DAB1: variants seen among roughly 807,000 people sequenced by gnomAD.
The protein encoded by DAB1 is DAB adaptor protein 1.
A neutral mutation model predicts 64.6 loss-of-function variants in DAB1; 15 were observed. The observed-to-expected ratio is 0.23, with a 90% CI of 0.16 to 0.36. The LOEUF is 0.36. Ranked by LOEUF, DAB1 falls within the 10% of genes least tolerant of loss-of-function variation. The pLI is 1.00. For missense variants in DAB1, 596 were observed against 706.7 expected, an observed-to-expected ratio of 0.84 and a Z score of 1.78; for synonymous variants, 235 against 251.9, an observed-to-expected ratio of 0.93 and a Z score of 0.64.
chr1:58,316,461 G>A (rs1362171118), intron 4 of DAB1, among the ~76,000 whole-genome samples: 1 of 152,150 alleles, frequency 6.6e-6, no homozygotes, highest in Non-Finnish European at 1.5e-5. Context: ...AGCCAGGCTG[G>A]GTGCTGGGGA....
intron 1 of DAB1, among the ~76,000 whole-genome samples, chr1:57,420,517 G>T (rs1040455836): frequency 2.6e-5 from 4 of 152,184 alleles, no homozygotes; most frequent in Non-Finnish European, 5.9e-5. Context: ...CTCCATAAAG[G>T]TTAATTATTC....
chr1:57,170,476 G>C (rs969166927), intron 2 of DAB1, among the ~76,000 whole-genome samples: 13 of 152,162 alleles, frequency 8.5e-5, no homozygotes, highest in African/African-American at 2.7e-4. Flanking sequence ...AGGCACACAA[G>C]GGCAAGGCAT....
intron 5 of DAB1, among the ~76,000 whole-genome samples, chr1:57,963,693 A>C (rs1645582772): frequency 6.6e-6 from 1 of 152,118 alleles, no homozygotes; most frequent in South Asian, 2.1e-4. Context: ...GCTGCTGCCC[A>C]CTTCCCCTTT....
At chr1:57,586,090 A>T (rs959710952) in intron 7 of DAB1, among the ~76,000 whole-genome samples, 3 of 152,070 alleles carry the variant, frequency 2.0e-5, no homozygotes, top group Non-Finnish European at 4.4e-5. Flanking sequence ...AGGCCCTCAC[A>T]TTTGGGAGTT....
exon 3 of DAB1, chr1:58,506,112 GTAGA>G: frequency 1.1e-6 from 1 of 872,434 alleles, no homozygotes; most frequent in Non-Finnish European, 2.0e-6. Context: ...AGAAGGGTGT[GTAGA>G]TAACCATTCT....
intron 1 of DAB1, among the ~76,000 whole-genome samples, chr1:57,388,119 A>G (rs1209449313): frequency 6.6e-6 from 1 of 151,976 alleles, no homozygotes; most frequent in African/African-American, 2.4e-5. Context: ...TCTTGCATGC[A>G]TTTTCCTTTA....
chr1:57,412,073 A>T (rs1034066378), intron 1 of DAB1, among the ~76,000 whole-genome samples: 11 of 152,096 alleles, frequency 7.2e-5, no homozygotes, highest in Non-Finnish European at 1.5e-4. Context: ...TATACTTATT[A>T]TGATGATTTG....
At chr1:57,089,566 A>T (rs1201120287) in intron 4 of DAB1, among the ~76,000 whole-genome samples, 1 of 151,326 alleles carries the variant, frequency 6.6e-6, no homozygotes, top group Non-Finnish European at 1.5e-5. Flanking sequence ...TGAGAGAGTG[A>T]GGTGGGGGTG....
chr1:58,181,574 G>A (rs184262926), intron 4 of DAB1, among the ~76,000 whole-genome samples: 1 of 151,808 alleles, frequency 6.6e-6, no homozygotes, highest in Non-Finnish European at 1.5e-5. Flanking sequence ...TTAACTCCTT[G>A]TTGGATTTAT....
At chr1:58,522,082 C>CA (rs1367843032) in intron 2 of DAB1, among the ~76,000 whole-genome samples, 5 of 152,046 alleles carry the variant, frequency 3.3e-5, no homozygotes, top group African/African-American at 1.2e-4. Context: ...CCCAAAAATG[C>CA]AACTTAACTT....
At chr1:57,865,398 G>T (rs1328461756) in intron 1 of DAB1, among the ~76,000 whole-genome samples, 1 of 152,046 alleles carries the variant, frequency 6.6e-6, no homozygotes, top group South Asian at 2.1e-4. Flanking sequence ...TCCCTCTCTT[G>T]CTTAAGGTCC....
Position 57,314,973 on chromosome 1 carries a change from T to C in DAB1, c.-136-23807A>G, listed in dbSNP as rs548476758. ...ATTAACAACTTTGAAAAGCCCTTTG[T>C]CAAGGGCACTTACTTTAAATAAGAC... On this transcript the variant is annotated intron_variant, in intron 1 of 14. Coordinates refer to ENST00000371236, the MANE Select transcript of DAB1 (RefSeq NM_001365792.1). 2.6e-5 allele frequency among the ~76,000 whole-genome samples: 4 copies of C among 152,318 alleles called. No individual in the cohort carries two copies. In the East Asian group the frequency reaches 5.8e-4, roughly 22 times the overall value.
intron 3 of DAB1, among the ~76,000 whole-genome samples, chr1:58,381,449 G>A (rs187938335): frequency 2.6e-5 from 4 of 152,256 alleles, no homozygotes; most frequent in East Asian, 1.9e-4. Flanking sequence ...ATTAATACAC[G>A]TTAAAGGCCT....
intron 1 of DAB1, among the ~76,000 whole-genome samples, chr1:57,292,259 AG>A: frequency 6.6e-6 from 1 of 152,316 alleles, no homozygotes; most frequent in South Asian, 2.1e-4. Context: ...TTAACCAGAA[AG>A]TCTAATATAA....
chr1:57,986,200 C>T (rs556695697), intron 5 of DAB1, among the ~76,000 whole-genome samples: 3 of 152,206 alleles, frequency 2.0e-5, no homozygotes, highest in South Asian at 2.1e-4. Flanking sequence ...ACTGCTATGG[C>T]CTGAATGTTT....
chr1:57,860,008 G>A (rs1653937487), intron 1 of DAB1, among the ~76,000 whole-genome samples: 1 of 152,030 alleles, frequency 6.6e-6, no homozygotes, highest in Admixed American at 6.6e-5. Context: ...AATTTCATGT[G>A]GGCTCCTGAA....
downstream of DAB1, among the ~76,000 whole-genome samples, chr1:57,821,635 G>C (rs1002460811): frequency 2.0e-5 from 3 of 152,206 alleles, no homozygotes; most frequent in Non-Finnish European, 4.4e-5. Context: ...TTGAGTAAGA[G>C]AATATTTGAG....
At chr1:57,067,320 G>A (rs1367829460) in intron 8 of DAB1, among the ~76,000 whole-genome samples, 1 of 152,112 alleles carries the variant, frequency 6.6e-6, no homozygotes, top group Admixed American at 6.5e-5. Flanking sequence ...GGGATTCTGA[G>A]CTGAGAGCAG....
At chr1:57,002,365 C>T (rs915320159) in intron 14 of DAB1, among the ~76,000 whole-genome samples, 1 of 152,132 alleles carries the variant, frequency 6.6e-6, no homozygotes, top group Admixed American at 6.5e-5. Context: ...GAGGGAGGAG[C>T]AATGAGGCAT....
Sources: allele counts gnomAD v4.1 joint callset (sites outside exome capture counted in the v4.1 genomes callset), GRCh38; gene constraint gnomAD v4.1.1; transcripts MANE v1.5; gene names NCBI Gene and HGNC (gene_info 2026-07-23, HGNC 2026-07-21).